The following FYN variants were observed in gnomAD, a reference collection of about 807,000 sequenced individuals.
The protein encoded by FYN is tyrosine-protein kinase Fyn.
A neutral mutation model predicts 70.2 loss-of-function variants in FYN; 10 were observed. The ratio of observed to expected loss-of-function variants is 0.14; its 90% confidence interval spans 0.09 to 0.24. The LOEUF (loss-of-function observed/expected upper bound fraction) is 0.24. Among genes scored for constraint, FYN ranks in the 10% least tolerant of loss-of-function variants. The pLI is 1.00. For synonymous variants in FYN, 236 were observed against 248.6 expected (o/e 0.95, Z 0.48); for missense variants, 319 against 673.1 (o/e 0.47, Z 5.82).
chr6:111,705,167 TAATC>T (rs1800013206), intron 6 of FYN, among the ~76,000 whole-genome samples: 1 of 152,262 alleles, frequency 6.6e-6, no homozygotes, highest in South Asian at 2.1e-4. Context: ...TATATGAAGA[TAATC>T]AAGCATTAAA....
intron 1 of FYN, among the ~76,000 whole-genome samples, chr6:111,853,460 G>A (rs962942369): frequency 2.0e-5 from 3 of 151,878 alleles, no homozygotes; most frequent in Non-Finnish European, 4.4e-5. Flanking sequence ...CACATAGCCA[G>A]GTGTATGTTC....
chr6:111,781,538 G>A (rs1470274931), intron 2 of FYN, among the ~76,000 whole-genome samples: 3 of 152,044 alleles, frequency 2.0e-5, no homozygotes, highest in African/African-American at 7.2e-5. Flanking sequence ...TTTACCTGTC[G>A]AGTCATGTTA....
intron 12 of FYN, among the ~76,000 whole-genome samples, chr6:111,689,888 C>A (rs1167841047): frequency 6.6e-6 from 1 of 152,126 alleles, no homozygotes; most frequent in African/African-American, 2.4e-5. Flanking sequence ...TCGGGCTGCA[C>A]ACTTCAGATT....
chr6:111,767,147 G>A (rs922336561), intron 3 of FYN, among the ~76,000 whole-genome samples: 1 of 152,126 alleles, frequency 6.6e-6, no homozygotes, highest in African/African-American at 2.4e-5. Flanking sequence ...GCTGTTTTCT[G>A]TGTCTACCTT....
At chr6:111,674,693 G>A in intron 12 of FYN, 63 bp from the exon 13 acceptor site, 1 of 1,551,894 alleles carries the variant, frequency 6.4e-7, no homozygotes, top group Non-Finnish European at 8.8e-7. Flanking sequence ...TGGGGTGTGG[G>A]AGGGAAAGGC....
chr6:111,705,896 G>A (rs1243321149), intron 6 of FYN, among the ~76,000 whole-genome samples: 1 of 152,046 alleles, frequency 6.6e-6, no homozygotes, highest in Non-Finnish European at 1.5e-5. Flanking sequence ...TGATCCTCTC[G>A]CCCTGGCCTC....
intron 1 of FYN, among the ~76,000 whole-genome samples, chr6:111,850,444 C>T (rs944217625): frequency 6.6e-6 from 1 of 152,206 alleles, no homozygotes; most frequent in African/African-American, 2.4e-5. Context: ...CTCTATTCAA[C>T]CACAACTAAA....
At chr6:111,723,070 A>G (rs1177776738) in intron 3 of FYN, among the ~76,000 whole-genome samples, 1 of 152,240 alleles carries the variant, frequency 6.6e-6, no homozygotes, top group East Asian at 1.9e-4. Flanking sequence ...GAGAACACTC[A>G]TTGCAAACCA....
chr6:111,688,531 C>T (rs952410059), intron 12 of FYN, among the ~76,000 whole-genome samples: 9 of 152,106 alleles, frequency 5.9e-5, no homozygotes, highest in Admixed American at 2.6e-4. Context: ...CTACAAGGGC[C>T]CGCTGCTAGT....
intron 12 of FYN, among the ~76,000 whole-genome samples, chr6:111,681,566 C>T (rs1008314656): frequency 3.3e-5 from 5 of 152,170 alleles, no homozygotes; most frequent in Non-Finnish European, 7.3e-5. Flanking sequence ...TTTACATTGG[C>T]TTTGGAAATG....
chr6:111,750,448 C>T (rs114784150), intron 3 of FYN, among the ~76,000 whole-genome samples: 1,699 of 152,290 alleles, frequency 0.011, 24 homozygotes, highest in African/African-American at 0.037. Context: ...AGCCGCTATG[C>T]TTCCTGTACA....
chr6:111,823,582 A>T (rs370611036), intron 2 of FYN, among the ~76,000 whole-genome samples: 19 of 152,310 alleles, frequency 1.2e-4, no homozygotes, highest in African/African-American at 4.6e-4. Flanking sequence ...AAGGGATAAA[A>T]ATCATCCCCT....
chr6:111,682,458 C>A (rs1798817263), intron 12 of FYN, among the ~76,000 whole-genome samples: 1 of 152,208 alleles, frequency 6.6e-6, no homozygotes. Context: ...ATAGAAATAG[C>A]TTACTTGACT....
intron 3 of FYN, among the ~76,000 whole-genome samples, chr6:111,728,523 C>G (rs1386487538): frequency 6.6e-6 from 1 of 152,168 alleles, no homozygotes; most frequent in Non-Finnish European, 1.5e-5. Flanking sequence ...CTCCCCAGCC[C>G]CTGGCAACCA....
chr6:111,714,216 T>A, intron 5 of FYN, 131 bp downstream of exon 5: 1 of 638,388 alleles, frequency 1.6e-6, no homozygotes, highest in Non-Finnish European at 2.8e-6. Flanking sequence ...TCAAAGTATA[T>A]TGTTGTAAAC....
intron 2 of FYN, among the ~76,000 whole-genome samples, chr6:111,802,434 C>A (rs1583457329): frequency 1.2e-5 from 1 of 82,182 alleles, no homozygotes; most frequent in Non-Finnish European, 2.0e-5. Context: ...ATCAGGTAAT[C>A]CCTTTTTTTT....
intron 2 of FYN, among the ~76,000 whole-genome samples, chr6:111,787,378 A>T (rs1771433753): frequency 6.6e-6 from 1 of 152,076 alleles, no homozygotes; most frequent in Non-Finnish European, 1.5e-5. Flanking sequence ...ATGGTTGTAG[A>T]TGTGTCGTAT....
At chr6:111,706,601 T>C (rs1800104322) in intron 6 of FYN, among the ~76,000 whole-genome samples, 2 of 152,202 alleles carry the variant, frequency 1.3e-5, no homozygotes, top group Admixed American at 1.3e-4. Flanking sequence ...AAGGAATTGT[T>C]AGAACAATGG....
At chr6:111,767,903 T>C (rs17072885) in intron 3 of FYN, among the ~76,000 whole-genome samples, 2,780 of 152,262 alleles carry the variant, frequency 0.018, 91 homozygotes, top group African/African-American at 0.064. Context: ...CCCTTAAAAC[T>C]AATGAGGGTG....
Sources: gnomAD v4.1 joint callset for allele counts (sites outside exome capture counted in the v4.1 genomes callset) on GRCh38, gnomAD v4.1.1 for gene constraint, MANE v1.5 for transcripts, NCBI Gene and HGNC (gene_info 2026-07-23, HGNC 2026-07-21) for gene names.